TRPV4: variants seen among roughly 807,000 people sequenced by gnomAD.
TRPV4 encodes OSM9-like transient receptor potential channel 4.
TRPV4 carries 58 observed loss-of-function variants against 84.1 expected under a neutral mutation model. That is an observed-to-expected ratio of 0.69 (90% CI 0.56 to 0.86). TRPV4 has a LOEUF of 0.86. TRPV4 is among the 40% of genes least tolerant of loss of function. TRPV4 has a pLI of 0.00. For synonymous variants in TRPV4, 489 were observed against 500.9 expected (o/e 0.98, Z 0.32); for missense variants, 879 against 1,181.1 (o/e 0.74, Z 3.75).
chr12:109,814,771 C>T lies in TRPV4; in HGVS notation c.26G>A (p.Arg9His), dbSNP rs776163103. MADSSEGP[R>H]AGPGEVAELP... ...CTCAGCCACCTCCCCGGGCCCCGCGCGGGGGCCTTCGCTGGAATCCGCCAT... is the reference window on the plus strand; with the variant it reads ...CTCAGCCACCTCCCCGGGCCCCGCGTGGGGGCCTTCGCTGGAATCCGCCAT... The change falls in exon 2 of 16, where the codon CGC (arginine) becomes CAC (histidine). Residue 9 changes from arginine (R) to histidine (H), a missense_variant. Arg to His is a conservative substitution (Grantham distance 29). Coordinates refer to ENST00000261740, the MANE Select transcript of TRPV4 (RefSeq NM_021625.5). The surrounding 1 kb of genome is among the most constrained non-coding windows in gnomAD (Gnocchi z 5.4). The T allele has an allele frequency of 1.7e-5, 26 of 1,549,416 alleles. No individual in the cohort carries two copies. The highest frequency in any genetic ancestry group is 1.9e-4 in the Middle Eastern group (1 of 5,384).
intron 5 of TRPV4, among the ~76,000 whole-genome samples, chr12:109,799,814 G>T (rs1157712549): frequency 2.0e-5 from 3 of 152,056 alleles, no homozygotes; most frequent in African/African-American, 7.2e-5. Flanking sequence ...AGGCTGGAGT[G>T]CAGTGGTGCA....
rs186790991 is a variant in TRPV4, at chr12:109,789,163, G to A, written c.1892-447C>T. 1.9e-4 allele frequency among the ~76,000 whole-genome samples: 29 copies of A among 152,248 alleles called. 1 individual carries two copies. Among genetic ancestry groups the A allele is most frequent in the Non-Finnish European group, 7.4e-5 (5 of 68,020 alleles). On this transcript the variant is annotated intron_variant, in intron 12 of 15. Coordinates refer to ENST00000261740, the MANE Select transcript of TRPV4 (RefSeq NM_021625.5). Reference sequence around the variant, plus strand: ...AGGTTTTCAGGATCTAGTCCAGGGAGGGTCTCAGTTTTTCCCACCAGGGGA... The same window carrying A: ...AGGTTTTCAGGATCTAGTCCAGGGAAGGTCTCAGTTTTTCCCACCAGGGGA...
intron 5 of TRPV4, 67 bp downstream of exon 5, chr12:109,800,551 C>T (rs1214780910): frequency 1.3e-6 from 2 of 1,595,128 alleles, no homozygotes; most frequent in African/African-American, 1.3e-5. Flanking sequence ...AGACACCAAC[C>T]AGTATCATGC....
chr12:109,827,552 A>AACACAC (rs79477384), intron 1 of TRPV4, among the ~76,000 whole-genome samples: 1 of 150,526 alleles, frequency 6.6e-6, no homozygotes, highest in African/African-American at 2.4e-5. Context: ...ACCCTCCATA[A>AACACAC]ACACACACAC....
rs145900289 is a variant in TRPV4, at chr12:109,794,484, G to A, written c.1336C>T (p.Arg446Cys). The change falls in exon 8 of 16, where the codon CGC (arginine) becomes TGC (cysteine). Residue 446 changes from arginine to cysteine, a missense_variant. This residue lies in a region of TRPV4 where 521 missense variants were observed against 686.6 expected (regional missense o/e 0.76). Coordinates refer to ENST00000261740, the MANE Select transcript of TRPV4 (RefSeq NM_021625.5). ...ILVYNSKIEN[R>C]HEMLAVEPIN... ...GGCTCCACAGCCAGCATCTCGTGGCGGTTCTAAGAGAGGCAGGGTGGTCGG... is the reference window on the plus strand; with the variant it reads ...GGCTCCACAGCCAGCATCTCGTGGCAGTTCTAAGAGAGGCAGGGTGGTCGG... 1.1e-5 allele frequency: 17 copies of A among 1,613,710 alleles called. No homozygotes were observed. Among genetic ancestry groups the A allele is most frequent in the South Asian group, 2.2e-5 (2 of 91,080 alleles).
intron 1 of TRPV4, among the ~76,000 whole-genome samples, chr12:109,830,899 G>A (rs1268826625): frequency 1.3e-5 from 2 of 152,196 alleles, no homozygotes; most frequent in Non-Finnish European, 2.9e-5. Flanking sequence ...GCTCAGTCTT[G>A]TGTGTTTCCT....
chr12:109,802,420 G>T, intron 4 of TRPV4, among the ~76,000 whole-genome samples: 1 of 151,340 alleles, frequency 6.6e-6, no homozygotes, highest in Non-Finnish European at 1.5e-5. Flanking sequence ...TCCTGCCTCA[G>T]CCTCCCAAGT....
At chr12:109,823,486 C>T (rs1251687146) in intron 1 of TRPV4, among the ~76,000 whole-genome samples, 1 of 152,206 alleles carries the variant, frequency 6.6e-6, no homozygotes, top group African/African-American at 2.4e-5. Context: ...CCAAGGGTCC[C>T]GGCCCCTGGG....
intron 3 of TRPV4, among the ~76,000 whole-genome samples, chr12:109,803,722 G>A (rs559143973): frequency 1.2e-3 from 178 of 152,276 alleles, no homozygotes; most frequent in African/African-American, 4.2e-3. Context: ...GCCTCCCAAA[G>A]TGCTGGGATT....
intron 4 of TRPV4, among the ~76,000 whole-genome samples, chr12:109,802,383 C>A (rs1210959367): frequency 6.6e-6 from 1 of 151,110 alleles, no homozygotes; most frequent in Non-Finnish European, 1.5e-5. Flanking sequence ...CTCACTGCAA[C>A]CTCCACCTCC....
Position 109,796,680 on chromosome 12 carries a change from C to T in TRPV4, c.1177G>A (p.Glu393Lys), listed in dbSNP as rs1890421491. The change falls in exon 7 of 16, where the codon GAG (glutamate) becomes AAG (lysine). Residue 393 changes from glutamate (E) to lysine (K), a missense_variant. Glu to Lys is a moderately conservative substitution (Grantham distance 56). Coordinates refer to ENST00000261740, the MANE Select transcript of TRPV4 (RefSeq NM_021625.5). This position sits in a 1 kb window ranked among gnomAD's most constrained non-coding sequence, Gnocchi z 4.2. ...TGCCGTGTGTCCTCATCCGTCACCTCCCGCCGGATGATGTGCTGAAAGATC... is the reference window on the plus strand; with the variant it reads ...TGCCGTGTGTCCTCATCCGTCACCTTCCGCCGGATGATGTGCTGAAAGATC... ...IGIFQHIIRR[E>K]VTDEDTRHLS... is the part of the protein sequence containing the mutation. 6.8e-6 allele frequency: 11 copies of T among 1,613,204 alleles called. No individual in the cohort carries two copies. Among genetic ancestry groups the T allele is most frequent in the Non-Finnish European group, 9.3e-6 (11 of 1,179,282 alleles).
intron 3 of TRPV4, among the ~76,000 whole-genome samples, chr12:109,805,490 G>C (rs766834734): frequency 3.3e-5 from 5 of 152,194 alleles, no homozygotes; most frequent in Non-Finnish European, 7.3e-5. Flanking sequence ...TGCCCAGGGT[G>C]GGGTGCTGTA....
intron 1 of TRPV4, among the ~76,000 whole-genome samples, chr12:109,821,733 T>G (rs1892107463): frequency 6.6e-6 from 1 of 152,092 alleles, no homozygotes; most frequent in African/African-American, 2.4e-5. Context: ...GGTTTTGCCA[T>G]GTTGGTCAGT....
In TRPV4 at chr12:109,796,750, C is replaced by T. The variant is rs778144788; in HGVS notation, c.1153-46G>A. On this transcript the variant is annotated intron_variant, in intron 6 of 15. Transcript: ENST00000261740. The surrounding 1 kb of genome is among the most constrained non-coding windows in gnomAD (Gnocchi z 4.2). ...GTCAGGGGGCTCACACTGGAAAGAC[C>T]CCCAGGGCTGGGCCCAGCTCAGCAC... is the stretch of plus-strand genomic sequence containing the variant. 13 of 1,575,770 alleles carry T rather than the reference C, an allele frequency of 8.2e-6. No individual in the cohort carries two copies. The highest frequency in any genetic ancestry group is 1.1e-5 in the Non-Finnish European group (13 of 1,159,410).
rs763889344 is a variant in TRPV4 at position 109,792,776 on chromosome 12, T to A, written c.1700A>T (p.Tyr567Phe). The part of the protein sequence containing the change: ...SVLVIVSAAL[Y>F]LAGIEAYLAV... ...CAGGTAGGCCTCGATCCCTGCCAGG[T>A]AGAGGGCTGCTGAGACGATCACCAG... Residue 567 changes from tyrosine to phenylalanine, a missense_variant, in exon 11 of 16, where the codon TAC becomes TTC. Physicochemically the swap from Tyr to Phe is conservative, Grantham distance 22. Transcript: ENST00000261740. 4.8e-5 allele frequency: 77 copies of A among 1,613,726 alleles called. No homozygotes were observed. Among genetic ancestry groups the A allele is most frequent in the Non-Finnish European group, 6.4e-5 (75 of 1,180,008 alleles).
chr12:109,827,989 G>A (rs969492375), intron 1 of TRPV4, among the ~76,000 whole-genome samples: 12 of 152,172 alleles, frequency 7.9e-5, no homozygotes, highest in African/African-American at 2.9e-4. Flanking sequence ...CAGCCCACTC[G>A]GTCAACCGGG....
At chr12:109,811,683 A>C (rs145134718) in intron 2 of TRPV4, among the ~76,000 whole-genome samples, 49 of 151,854 alleles carry the variant, frequency 3.2e-4, no homozygotes, top group African/African-American at 1.1e-3. Context: ...AAAAAGAGAC[A>C]TCTGAATGAA....
rs1382664961 is a variant in TRPV4, at chr12:109,814,884, G to A, written c.-31-57C>T. ...ACCCGGCCAGGGGCGGGGGCTCCAG[G>A]AAGCCCCCTCCCACGTGGACAAGCA... On this transcript the variant is annotated intron_variant, in intron 1 of 15. Transcript: ENST00000261740. This position sits in a 1 kb window ranked among gnomAD's most constrained non-coding sequence, Gnocchi z 5.4. The A allele has an allele frequency of 9.4e-6, 14 of 1,491,976 alleles. No homozygotes were observed. The South Asian group carries it at 1.6e-4, about 17-fold the overall frequency. 92.4% of individuals were successfully genotyped at this position (1,491,976 alleles called of 1,614,324 possible).
At chr12:109,804,046 C>T (rs868348359) in intron 3 of TRPV4, among the ~76,000 whole-genome samples, 1 of 152,100 alleles carries the variant, frequency 6.6e-6, no homozygotes. Flanking sequence ...GTGAACTGAC[C>T]TTAGGGGATC....
Sources: allele counts gnomAD v4.1 joint callset (sites outside exome capture counted in the v4.1 genomes callset), GRCh38; gene constraint gnomAD v4.1.1; regional missense constraint gnomAD v4.1.1; non-coding constraint Gnocchi (gnomAD v3.1); transcripts MANE v1.5; gene names NCBI Gene and HGNC (gene_info 2026-07-23, HGNC 2026-07-21).